The following CDK13 variants were observed in gnomAD, a reference collection of about 807,000 sequenced individuals.
CDK13 encodes the protein cyclin-dependent kinase 13.
In CDK13, 40 loss-of-function variants were observed where a neutral mutation model predicts 137.6. The observed-to-expected ratio is 0.29, with a 90% confidence interval of 0.23 to 0.38. The LOEUF is 0.38. CDK13 is among the 10% of genes least tolerant of loss of function. The pLI is 1.00. For missense variants in CDK13, 1,704 were observed against 1,951.8 expected, an observed-to-expected ratio of 0.87 and a Z score of 2.39; for synonymous variants, 869 against 760.1, an observed-to-expected ratio of 1.14 and a Z score of -2.36.
chr7:40,024,038 C>G (rs922583752), intron 5 of CDK13, among the ~76,000 whole-genome samples: 1 of 152,192 alleles, frequency 6.6e-6, no homozygotes, highest in African/African-American at 2.4e-5. Context: ...AGAACTCACT[C>G]TCAGCTTTTA....
At chr7:40,006,730 C>T (rs1045867869) in intron 5 of CDK13, among the ~76,000 whole-genome samples, 3 of 152,068 alleles carry the variant, frequency 2.0e-5, no homozygotes, top group African/African-American at 7.2e-5. Flanking sequence ...TGCAGTGAGC[C>T]GAGATTGCGC....
Position 39,951,745 on chromosome 7 carries a change from CA to C in CDK13, c.1105del (p.Ser369AlafsTer75), listed in dbSNP as rs1047357117. ...GCCCCTACAGTCGCCGCCGCTCCCC[CA>C]GCTACAGCCGCCACAGCTCCTACGA... is the stretch of plus-strand genomic sequence containing the variant. ...PSPYSRRRSPSYSRHSSYERG... is the reference protein window; with the variant it reads ...PSPYSRRRSPXYSRHSSYERG... On this transcript the variant is annotated frameshift_variant, in exon 1 of 14. Coordinates refer to ENST00000181839, the MANE Select transcript of CDK13 (RefSeq NM_003718.5). LOFTEE classifies it high-confidence loss of function. 6.7e-7 allele frequency: 1 copy of C among 1,494,560 alleles called. No homozygotes were observed. 92.6% of individuals were successfully genotyped at this position (1,494,560 alleles called of 1,614,324 possible). A position where few individuals can be genotyped will look rare whatever the true frequency, so the allele number is the denominator to read the frequency against.
intron 11 of CDK13, among the ~76,000 whole-genome samples, chr7:40,083,557 G>A (rs1177480240): frequency 6.6e-6 from 1 of 152,118 alleles, no homozygotes; most frequent in Non-Finnish European, 1.5e-5. Context: ...TGTTTTTTAA[G>A]TATTTTGCCA....
At chr7:39,983,165 A>T (rs892452925) in intron 1 of CDK13, among the ~76,000 whole-genome samples, 1 of 152,212 alleles carries the variant, frequency 6.6e-6, no homozygotes, top group Non-Finnish European at 1.5e-5. Context: ...ATAACGTTTA[A>T]GTCTTTAATC....
chr7:40,024,645 G>GGTTTTTTTTTT (rs1785202598), intron 5 of CDK13, among the ~76,000 whole-genome samples: 2 of 50,264 alleles, frequency 4.0e-5, no homozygotes, highest in African/African-American at 1.7e-4. Context: ...GTAGCTCTGT[G>GGTTTTTTTTTT]TTTTTTTTTT....
At position 40,094,516 on chromosome 7, in the gene CDK13, T is replaced by G. The variant is rs752383404; in HGVS notation, c.4075T>G (p.Ser1359Ala). Reference protein sequence around the residue: ...YVSNDGLGSSSAPPLERRSFI... With the variant: ...YVSNDGLGSSAAPPLERRSFI... ...TAGCAATGATGGTCTAGGAAGCAGT[T>G]CTGCTCCACCACTAGAACGACGTAG... The change falls in exon 14 of 14, where the codon TCT (serine) becomes GCT (alanine). Residue 1359 changes from serine to alanine, a missense_variant. Physicochemically the swap from Ser to Ala is moderately conservative, Grantham distance 99. This residue lies in a region of CDK13 where 475 missense variants were observed against 579.3 expected (regional missense o/e 0.82). Transcript: ENST00000181839. 3.6e-5 allele frequency: 58 copies of G among 1,613,030 alleles called. No individual in the cohort carries two copies. The South Asian group carries it at 6.3e-4, about 17-fold the overall frequency.
intron 5 of CDK13, among the ~76,000 whole-genome samples, chr7:40,021,122 T>TAC (rs1304409836): frequency 6.5e-5 from 7 of 108,524 alleles, no homozygotes; most frequent in African/African-American, 1.9e-4. Flanking sequence ...TATATATATA[T>TAC]ACACACACAC....
intron 5 of CDK13, among the ~76,000 whole-genome samples, chr7:40,026,855 G>C (rs1188940460): frequency 1.3e-5 from 2 of 152,164 alleles, no homozygotes; most frequent in African/African-American, 4.8e-5. Flanking sequence ...TTTGCTTCAA[G>C]ATATTTCATT....
intron 7 of CDK13, among the ~76,000 whole-genome samples, chr7:40,052,993 T>C (rs1238202333): frequency 6.6e-6 from 1 of 152,096 alleles, no homozygotes; most frequent in Non-Finnish European, 1.5e-5. Context: ...TGAATGACAA[T>C]AAATAATATG....
chr7:39,970,322 A>G (rs1783969643), intron 1 of CDK13, among the ~76,000 whole-genome samples: 1 of 151,794 alleles, frequency 6.6e-6, no homozygotes, highest in African/African-American at 2.4e-5. Context: ...TTTTATGTCC[A>G]AAAAAATTTT....
At chr7:39,989,799 T>G (rs76883545) in intron 2 of CDK13, among the ~76,000 whole-genome samples, 1 of 151,820 alleles carries the variant, frequency 6.6e-6, no homozygotes, top group African/African-American at 2.4e-5. Context: ...TTTTTTTTTT[T>G]TGAGACGGAG....
Position 40,041,299 on chromosome 7 carries a change from CTGGGCAACAGAG to C in CDK13, c.2354-4534_2354-4523del, listed in dbSNP as rs1243028385. Among the ~76,000 whole-genome samples the C allele has an allele frequency of 2.6e-5, 4 of 152,150 alleles. No homozygotes were observed. The East Asian group carries it at 7.7e-4, about 29-fold the overall frequency. On this transcript the variant is annotated intron_variant, in intron 5 of 13. Transcript: ENST00000181839. ...CAAGATCGTGCCACTGCACTCCAGC[CTGGGCAACAGAG>C]TGAGACTCTGTCTCAAAAAAACCAA...
chr7:39,963,125 A>G (rs1300578891), intron 1 of CDK13, among the ~76,000 whole-genome samples: 3 of 152,146 alleles, frequency 2.0e-5, no homozygotes, highest in African/African-American at 2.4e-5. Flanking sequence ...TTGGTTCCAT[A>G]TGAACTTTAA....
At position 40,053,662 on chromosome 7, in the gene CDK13, C is replaced by T. The variant is rs192662143; in HGVS notation, c.2600+5785C>T. Among the ~76,000 whole-genome samples the T allele has an allele frequency of 2.0e-5, 3 of 152,082 alleles. No individual in the cohort carries two copies. The East Asian group carries it at 5.8e-4, about 29-fold the overall frequency. ...AATCTGTCCTGAATCCCACAGGCAT[C>T]ATTGGGCACATCTTCTTTTATGTGT... On this transcript the variant is annotated intron_variant, in intron 7 of 13. Transcript: ENST00000181839.
intron 5 of CDK13, among the ~76,000 whole-genome samples, chr7:40,037,314 GT>G (rs1463369517): frequency 6.6e-6 from 1 of 152,148 alleles, no homozygotes; most frequent in Admixed American, 6.5e-5. Flanking sequence ...GTTAGCTAGG[GT>G]TGTCGTTAGA....
intron 5 of CDK13, among the ~76,000 whole-genome samples, chr7:40,014,583 G>A (rs1401041372): frequency 6.6e-6 from 1 of 151,366 alleles, no homozygotes; most frequent in African/African-American, 2.4e-5. Flanking sequence ...GCCTCCCGAG[G>A]AGCTGGGATG....
chr7:39,968,606 A>T (rs1783924172), intron 1 of CDK13, among the ~76,000 whole-genome samples: 1 of 152,226 alleles, frequency 6.6e-6, no homozygotes, highest in Non-Finnish European at 1.5e-5. Context: ...GCCAAAAATC[A>T]GTTGACTATA....
intron 5 of CDK13, among the ~76,000 whole-genome samples, chr7:40,014,058 CTTTTTTTTTTT>C (rs927741062): frequency 4.8e-4 from 29 of 60,948 alleles, no homozygotes; most frequent in Middle Eastern, 0.013. Flanking sequence ...GCTGTCTTGT[CTTTTTTTTTTT>C]TTTTTTTTTT....
chr7:40,071,623 A>G (rs1468606430), intron 9 of CDK13: 7 of 152,202 alleles, frequency 4.6e-5, no homozygotes, highest in South Asian at 2.1e-4. Flanking sequence ...TTGTGATATT[A>G]TGCATTGGTC....
Sources: gnomAD v4.1 joint callset for allele counts (sites outside exome capture counted in the v4.1 genomes callset) on GRCh38, gnomAD v4.1.1 for gene constraint, gnomAD v4.1.1 regional missense constraint, MANE v1.5 for transcripts, NCBI Gene and HGNC (gene_info 2026-07-23, HGNC 2026-07-21) for gene names.